The following CIMAP1A variants were observed in gnomAD, a reference collection of about 807,000 sequenced individuals.
The protein encoded by CIMAP1A is cancer/testis antigen 135.
At chr11:200,091 A>C in the CIMAP1A span, 5 of 1,580,034 alleles carry the variant, frequency 3.2e-6, no homozygotes, top group Non-Finnish European at 8.7e-7. Flanking sequence ...GCCGGGCCAC[A>C]GAGCTCGAGG....
the CIMAP1A span, chr11:198,442 A>G: frequency 1.2e-6 from 2 of 1,613,188 alleles, no homozygotes; most frequent in South Asian, 2.2e-5. Context: ...TTCCGGCCTG[A>G]GGCTCCACGT....
chr11:200,004 A>G, the CIMAP1A span: 7 of 1,613,922 alleles, frequency 4.3e-6, no homozygotes, highest in African/African-American at 1.3e-5. Flanking sequence ...CTCTGATTAC[A>G]TGACTCCCCT....
the CIMAP1A span, chr11:199,763 C>CGAA: frequency 7.0e-7 from 1 of 1,438,296 alleles, no homozygotes; most frequent in Non-Finnish European, 9.1e-7. Flanking sequence ...AGACCCTGCC[C>CGAA]TTTTCCCTAG....
At chr11:199,228 C>T in the CIMAP1A span, 98 of 1,471,318 alleles carry the variant, frequency 6.7e-5, no homozygotes, top group Middle Eastern at 4.0e-4. Context: ...CACAGTGTGA[C>T]AGAAGACAGA....
chr11:200,245 T>C, the CIMAP1A span: 6 of 571,030 alleles, frequency 1.1e-5, no homozygotes, highest in African/African-American at 5.7e-5. Context: ...TATTAATAAA[T>C]CAGATTGCAT....
chr11:198,896 A>G, the CIMAP1A span: 1 of 1,254,812 alleles, frequency 8.0e-7, no homozygotes, highest in African/African-American at 1.5e-5. Flanking sequence ...GAGGAGGAGG[A>G]AAAAATAAAC....
At chr11:198,443 G>A in the CIMAP1A span, 1 of 1,613,278 alleles carries the variant, frequency 6.2e-7, no homozygotes, top group East Asian at 2.2e-5. Flanking sequence ...TCCGGCCTGA[G>A]GCTCCACGTC....
At chr11:199,757 C>G in the CIMAP1A span, 1 of 1,437,638 alleles carries the variant, frequency 7.0e-7, no homozygotes, top group Non-Finnish European at 9.1e-7. Flanking sequence ...AAGCAGAGAC[C>G]CTGCCCTTTT....
At chr11:197,527 G>A in the CIMAP1A span, 3 of 1,607,926 alleles carry the variant, frequency 1.9e-6, no homozygotes, top group Non-Finnish European at 1.7e-6. Flanking sequence ...GGCAGGTCAG[G>A]CTCCGGGCTG....
chr11:199,007 AG>A, the CIMAP1A span: 6 of 1,187,562 alleles, frequency 5.1e-6, no homozygotes, highest in African/African-American at 4.7e-5. Context: ...GAGATGGGGA[AG>A]CAGCATCATG....
chr11:197,997 T>C, the CIMAP1A span: 2 of 1,536,188 alleles, frequency 1.3e-6, no homozygotes, highest in Non-Finnish European at 1.7e-6. Flanking sequence ...GACCCCACTC[T>C]CCCTGCTCAA....
the CIMAP1A span, chr11:199,657 A>AGGGGT: frequency 5.0e-6 from 1 of 200,206 alleles, no homozygotes; most frequent in Admixed American, 2.4e-4. Flanking sequence ...GAAGGGGTGG[A>AGGGGT]GGGGTGGGGT....
chr11:198,175 C>A, the CIMAP1A span: 2 of 1,608,978 alleles, frequency 1.2e-6, no homozygotes, highest in African/African-American at 2.7e-5. Context: ...CTTGTCCCAG[C>A]AGCCCCCTTG....
the CIMAP1A span, chr11:198,928 G>A: frequency 8.3e-7 from 1 of 1,203,688 alleles, no homozygotes; most frequent in African/African-American, 1.6e-5. Flanking sequence ...TGGGGGAGGA[G>A]GGTCCTGGTT....
the CIMAP1A span, chr11:198,622 C>T: frequency 3.8e-6 from 6 of 1,572,536 alleles, no homozygotes; most frequent in African/African-American, 4.0e-5. Context: ...AGAATCACCC[C>T]CAACCATCTG....
chr11:197,854 G>A, the CIMAP1A span: 1 of 1,513,552 alleles, frequency 6.6e-7, no homozygotes, highest in Non-Finnish European at 8.9e-7. Context: ...CAAGGGTGTG[G>A]GAGAGCTCAG....
At chr11:197,226 G>A in the CIMAP1A span, 3 of 990,780 alleles carry the variant, frequency 3.0e-6, no homozygotes, top group Non-Finnish European at 4.5e-6. Context: ...AGCAGGGTCG[G>A]GGACATCAGG....
the CIMAP1A span, chr11:199,678 G>A: frequency 7.0e-7 from 1 of 1,434,512 alleles, no homozygotes; most frequent in Non-Finnish European, 9.1e-7. Flanking sequence ...GGGGATGGGA[G>A]GCACCTGCAC....
At chr11:197,746 C>A in the CIMAP1A span, 1 of 1,613,634 alleles carries the variant, frequency 6.2e-7, no homozygotes, top group Non-Finnish European at 8.5e-7. Context: ...CAAGACCATG[C>A]TGACTCCTGG....
Sources: gnomAD v4.1 joint callset for allele counts on GRCh38, gnomAD v4.1.1 for gene constraint, MANE v1.5 for transcripts, NCBI Gene and HGNC (gene_info 2026-07-23, HGNC 2026-07-21) for gene names.